NEK11: variants seen among roughly 807,000 people sequenced by gnomAD.
NEK11 encodes the protein serine/threonine-protein kinase Nek11.
Under a neutral mutation model 80.7 loss-of-function variants are expected in NEK11, and 72 were observed. The ratio of observed to expected loss-of-function variants is 0.89; its 90% CI spans 0.74 to 1.08. NEK11 has a LOEUF of 1.08. NEK11 is among the 50% of genes least tolerant of loss of function. NEK11 has a pLI of 0.00. For missense variants in NEK11, 764 were observed against 763.6 expected (o/e 1.00, Z -0.01); for synonymous variants, 251 against 260.7 (o/e 0.96, Z 0.36).
Position 131,170,799 on chromosome 3 carries a change from C to A in NEK11, c.1311C>A (p.Asn437Lys), listed in dbSNP as rs755389628. 5.0e-6 allele frequency: 8 copies of A among 1,613,842 alleles called. No homozygotes were observed. The highest frequency in any genetic ancestry group is 2.7e-5 in the African/African-American group (2 of 74,890). Residue 437 changes from asparagine (N) to lysine (K), a missense_variant, in exon 14 of 18, where the codon AAC becomes AAA. Transcript: ENST00000383366. Reference sequence around the variant, plus strand: ...AATCTGATGAACCAACTTTAGAGAACCTGCCTGAGTCTCAGCCTATTCCTT... The same window carrying A: ...AATCTGATGAACCAACTTTAGAGAAACTGCCTGAGTCTCAGCCTATTCCTT... ...EEESDEPTLE[N>K]LPESQPIPSM... is the part of the protein sequence containing the mutation.
intron 14 of NEK11, among the ~76,000 whole-genome samples, chr3:131,225,044 G>A (rs889980384): frequency 3.3e-4 from 50 of 152,240 alleles, no homozygotes; most frequent in African/African-American, 4.1e-4. Flanking sequence ...CTGTAGTAGC[G>A]TACAGTAATG....
chr3:131,134,850 T>C (rs2085247911), intron 7 of NEK11, among the ~76,000 whole-genome samples: 1 of 152,246 alleles, frequency 6.6e-6, no homozygotes, highest in Non-Finnish European at 1.5e-5. Flanking sequence ...TGGAAAATTG[T>C]ATTCAGTATG....
chr3:131,177,031 G>A (rs535121110), intron 14 of NEK11, among the ~76,000 whole-genome samples: 5 of 152,290 alleles, frequency 3.3e-5, no homozygotes, highest in South Asian at 4.1e-4. Context: ...ATGTAATAGA[G>A]TAAAACCTTA....
chr3:131,349,909 A>G lies in NEK11; in HGVS notation c.*133A>G. ...CCATCTTGACTTTCAATTCCTCATC[A>G]GAAGTACTGGCTTCTTTAGAGAGTA... On this transcript the variant is annotated 3_prime_UTR_variant, in exon 18 of 18. Transcript: ENST00000383366. The G allele has an allele frequency of 1.5e-6, 1 of 677,194 alleles. No homozygotes were observed. Among genetic ancestry groups the G allele is most frequent in the South Asian group, 1.9e-5 (1 of 51,990 alleles). 41.9% of individuals were successfully genotyped at this position (677,194 alleles called of 1,614,324 possible).
chr3:131,122,510 A>C (rs2082559995), intron 5 of NEK11, among the ~76,000 whole-genome samples: 1 of 152,260 alleles, frequency 6.6e-6, no homozygotes, highest in Admixed American at 6.5e-5. Context: ...CAGGTGCCTC[A>C]GTGCCCAGGA....
At chr3:131,049,768 A>G (rs1013271863) in intron 3 of NEK11, among the ~76,000 whole-genome samples, 3 of 152,162 alleles carry the variant, frequency 2.0e-5, no homozygotes, top group African/African-American at 7.2e-5. Context: ...AATTTGCCAG[A>G]TATTGTTCAA....
intron 5 of NEK11, among the ~76,000 whole-genome samples, chr3:131,121,426 C>T (rs944361973): frequency 1.1e-4 from 17 of 152,202 alleles, no homozygotes; most frequent in Admixed American, 1.0e-3. Flanking sequence ...TTAGGCTACT[C>T]GGGGCTCAGG....
chr3:131,252,758 C>T (rs2095732859), intron 16 of NEK11, among the ~76,000 whole-genome samples: 1 of 152,076 alleles, frequency 6.6e-6, no homozygotes, highest in African/African-American at 2.4e-5. Context: ...CTGACAACTT[C>T]CTACATGATG....
rs942112017 is a variant in NEK11, at chr3:131,150,002, A to G, written c.648-2386A>G. Among the ~76,000 whole-genome samples the G allele has an allele frequency of 2.6e-5, 4 of 152,026 alleles. No individual in the cohort carries two copies. The East Asian group carries it at 5.8e-4, about 22-fold the overall frequency. ...ACTGTAAGCACCTTAACTGCATTCAATGTGTTGATATTTGGTATCTTTATT... is the reference window on the plus strand; with the variant it reads ...ACTGTAAGCACCTTAACTGCATTCAGTGTGTTGATATTTGGTATCTTTATT... On this transcript the variant is annotated intron_variant, in intron 7 of 17. Transcript: ENST00000383366.
chr3:131,266,240 C>A (rs2096055623), intron 16 of NEK11, among the ~76,000 whole-genome samples: 1 of 151,990 alleles, frequency 6.6e-6, no homozygotes, highest in Non-Finnish European at 1.5e-5. Flanking sequence ...TTATTTCTTG[C>A]CTTCTGCTAG....
chr3:131,108,038 C>T (rs16835847), intron 4 of NEK11, among the ~76,000 whole-genome samples: 27,993 of 152,000 alleles, frequency 0.18, 2,667 homozygotes, highest in Middle Eastern at 0.22. Context: ...TTCAATTCGC[C>T]ATATTTTTGA....
intron 14 of NEK11, among the ~76,000 whole-genome samples, chr3:131,208,379 G>A (rs2094506995): frequency 1.3e-5 from 2 of 152,202 alleles, no homozygotes; most frequent in Admixed American, 6.5e-5. Context: ...TTGTATTATA[G>A]TTTGAAATCT....
At chr3:131,089,235 T>A (rs1342600169) in intron 4 of NEK11, among the ~76,000 whole-genome samples, 1 of 152,186 alleles carries the variant, frequency 6.6e-6, no homozygotes, top group Non-Finnish European at 1.5e-5. Context: ...ACAGATTCCT[T>A]GGGTCTATGT....
chr3:131,038,471 C>A (rs1254157966), intron 3 of NEK11, among the ~76,000 whole-genome samples: 1 of 152,178 alleles, frequency 6.6e-6, no homozygotes, highest in Non-Finnish European at 1.5e-5. Context: ...AATCCGTGTG[C>A]TTTCTATCTG....
intron 15 of NEK11, among the ~76,000 whole-genome samples, chr3:131,236,408 G>A (rs1459397459): frequency 6.6e-6 from 1 of 151,972 alleles, no homozygotes; most frequent in Admixed American, 6.6e-5. Context: ...TTTCTAAACC[G>A]TAATTCTAAA....
At chr3:131,273,168 T>C (rs1183231438) in intron 16 of NEK11, among the ~76,000 whole-genome samples, 1 of 152,236 alleles carries the variant, frequency 6.6e-6, no homozygotes, top group African/African-American at 2.4e-5. Flanking sequence ...TGCTTTTCTA[T>C]AGATACATTT....
intron 14 of NEK11, among the ~76,000 whole-genome samples, chr3:131,207,652 A>G (rs1225684763): frequency 1.3e-5 from 2 of 152,002 alleles, no homozygotes; most frequent in African/African-American, 4.8e-5. Context: ...TTTAATGATC[A>G]ACATTCTAAC....
chr3:131,258,419 A>G (rs963721562), intron 16 of NEK11, among the ~76,000 whole-genome samples: 1 of 152,212 alleles, frequency 6.6e-6, no homozygotes, highest in African/African-American at 2.4e-5. Flanking sequence ...TCAACCTCCT[A>G]TTACAGAAAA....
rs1430738966 is a variant in NEK11, at chr3:131,132,107, A to G, written c.456-638A>G. Among the ~76,000 whole-genome samples the G allele has an allele frequency of 5.3e-5, 8 of 152,086 alleles. No individual in the cohort carries two copies. In the South Asian group the frequency reaches 1.7e-3, roughly 32 times the overall value. On this transcript the variant is annotated intron_variant, in intron 5 of 17. Transcript: ENST00000383366. ...AATTTGTTAATGTTTTATGGCCTAG[A>G]ATGACTTTCAGTTTCTTTTTGAATA...
Sources: allele counts gnomAD v4.1 joint callset (sites outside exome capture counted in the v4.1 genomes callset), GRCh38; gene constraint gnomAD v4.1.1; transcripts MANE v1.5; gene names NCBI Gene and HGNC (gene_info 2026-07-23, HGNC 2026-07-21).